ARHGEF5: variants seen among roughly 807,000 people sequenced by gnomAD.
ARHGEF5 encodes Rho guanine nucleotide exchange factor 5, also known as Rho guanine nucleotide exchange factor (GEF) 5.
ARHGEF5 carries 11 observed loss-of-function variants against 104.0 expected under a neutral mutation model. The observed-to-expected ratio is 0.11, with a 90% CI of 0.07 to 0.18. The LOEUF (loss-of-function observed/expected upper bound fraction) is 0.18, where lower values mean the gene tolerates loss of function less well. Ranked by LOEUF, ARHGEF5 falls within the 10% of genes least tolerant of loss-of-function variation. The pLI, the probability that ARHGEF5 is intolerant of heterozygous loss-of-function variation, is 1.00. For synonymous variants in ARHGEF5, 60 were observed against 512.2 expected (o/e 0.12, Z 11.92); for missense variants, 165 against 1,335.4 (o/e 0.12, Z 13.66).
chr7:144,378,764 T>TG lies in ARHGEF5; in HGVS notation c.4534_4535insG (p.Ser1512CysfsTer16). 6.2e-7 allele frequency: 1 copy of TG among 1,612,794 alleles called. No individual in the cohort carries two copies. Among genetic ancestry groups the TG allele is most frequent in the Non-Finnish European group, 8.5e-7 (1 of 1,179,452 alleles). On this transcript the variant is annotated frameshift_variant, in exon 14 of 15. Transcript: ENST00000056217. LOFTEE classifies it high-confidence loss of function. The stretch of plus-strand genomic sequence containing the variant: ...CTTCACACTCTTCTCTTCCAAAGAC[T>TG]CCCCCCAGGTACAGTGCCTTCGAGC...
rs1246507755 is a variant in ARHGEF5 at position 144,380,254 on chromosome 7, AC to A, written c.*199del. The A allele has an allele frequency of 1.3e-5, 8 of 613,928 alleles. No homozygotes were observed. In the East Asian group the frequency reaches 2.1e-4, roughly 16 times the overall value. The allele number at this position is 613,928 out of a possible 1,614,324, so 38.0% of individuals were successfully genotyped here. A position where few individuals can be genotyped will look rare whatever the true frequency, so the allele number is the denominator to read the frequency against. ...TGCTTGGTGGGGGGGATTTCGAGGGACTTTGCACTGGACTCTGGGAACCTTT... is the reference window on the plus strand; with the variant it reads ...TGCTTGGTGGGGGGGATTTCGAGGGATTTGCACTGGACTCTGGGAACCTTT... On this transcript the variant is annotated 3_prime_UTR_variant, in exon 15 of 15. Coordinates refer to ENST00000056217, the MANE Select transcript of ARHGEF5 (RefSeq NM_005435.4).
chr7:144,378,669 T>G (rs2053778584), intron 13 of ARHGEF5, 93 bp from the exon 14 acceptor site: 1 of 1,048,082 alleles, frequency 9.5e-7, no homozygotes. Context: ...TGTCTCTATC[T>G]CAAGTCCTCC....
chr7:144,380,192 AC>A lies in ARHGEF5; in HGVS notation c.*139del. On this transcript the variant is annotated 3_prime_UTR_variant, in exon 15 of 15. Coordinates refer to ENST00000056217, the MANE Select transcript of ARHGEF5 (RefSeq NM_005435.4). ...AAAGCTCAAGGACAAAATCCAGCTAACCCAGTCCCTCGGCCCAGGCCTCCTT... is the reference window on the plus strand; with the variant it reads ...AAAGCTCAAGGACAAAATCCAGCTAACCAGTCCCTCGGCCCAGGCCTCCTT... 1 of 1,188,812 alleles carries A rather than the reference AC, an allele frequency of 8.4e-7. No homozygotes were observed. The highest frequency in any genetic ancestry group is 1.2e-6 in the Non-Finnish European group (1 of 853,868). 73.6% of individuals were successfully genotyped at this position (1,188,812 alleles called of 1,614,324 possible). A position where few individuals can be genotyped will look rare whatever the true frequency, so the allele number is the denominator to read the frequency against.
At chr7:144,357,727 G>A (rs1438049472) in intron 1 of ARHGEF5, among the ~76,000 whole-genome samples, 2 of 152,050 alleles carry the variant, frequency 1.3e-5, no homozygotes, top group Non-Finnish European at 1.5e-5. Context: ...TAAGGTGTTG[G>A]GGGGGGCTCT....
chr7:144,358,745 G>A lies in ARHGEF5; in HGVS notation c.-13+3244G>A, dbSNP rs560109754. Among the ~76,000 whole-genome samples the A allele has an allele frequency of 4.3e-4, 25 of 58,066 alleles. 1 individual carries two copies. Among genetic ancestry groups the A allele is most frequent in the African/African-American group, 1.2e-3 (19 of 15,476 alleles). The allele number at this position is 58,066 out of a possible 152,430, so 38.1% of individuals were successfully genotyped here. A position where few individuals can be genotyped will look rare whatever the true frequency, so the allele number is the denominator to read the frequency against. ...ATGTCAGGCTCTATTGCAAGAGTTT[G>A]TAAGGATGGCTCAGTGTGTGTGTGT... On this transcript the variant is annotated intron_variant, in intron 1 of 14. Coordinates refer to ENST00000056217, the MANE Select transcript of ARHGEF5 (RefSeq NM_005435.4).
rs759680608 is a variant in ARHGEF5, at chr7:144,380,060, T to G, written c.*4T>G. On this transcript the variant is annotated 3_prime_UTR_variant, in exon 15 of 15. Coordinates refer to ENST00000056217, the MANE Select transcript of ARHGEF5 (RefSeq NM_005435.4). ...GCTGGTGGAACAGCAAGCCTAAGTC[T>G]TCTCTGAGAGGAGTTTCGTGAGCTG... is the stretch of plus-strand genomic sequence containing the variant. The G allele has an allele frequency of 1.9e-6, 3 of 1,614,130 alleles. No homozygotes were observed. Among genetic ancestry groups the G allele is most frequent in the Non-Finnish European group, 2.5e-6 (3 of 1,179,984 alleles).
At chr7:144,360,968 G>A (rs1218348947) in intron 1 of ARHGEF5, among the ~76,000 whole-genome samples, 2 of 146,106 alleles carry the variant, frequency 1.4e-5, no homozygotes, top group East Asian at 2.0e-4. Flanking sequence ...GGTGGCTTAC[G>A]CCTATAATCA....
rs1343598426 is a variant in ARHGEF5, at chr7:144,359,830, C to G, written c.-12-2828C>G. Among the ~76,000 whole-genome samples the G allele has an allele frequency of 2.8e-5, 4 of 142,230 alleles. No individual in the cohort carries two copies. The East Asian group carries it at 8.2e-4, about 29-fold the overall frequency. 93.3% of individuals were successfully genotyped at this position (142,230 alleles called of 152,430 possible). Reference sequence around the variant, plus strand: ...TTCAGAGGCTGCTGAAGAATCTAAGCTAGAACTGGTGCTTTTGAAGCTCAC... The same window carrying G: ...TTCAGAGGCTGCTGAAGAATCTAAGGTAGAACTGGTGCTTTTGAAGCTCAC... On this transcript the variant is annotated intron_variant, in intron 1 of 14. Transcript: ENST00000056217.
intron 13 of ARHGEF5, among the ~76,000 whole-genome samples, chr7:144,378,206 C>T (rs2128857665): frequency 6.6e-6 from 1 of 152,248 alleles, no homozygotes; most frequent in South Asian, 2.1e-4. Context: ...GATCAATAAC[C>T]ATCTTGATCA....
chr7:144,378,675 C>A, intron 13 of ARHGEF5, 87 bp from the exon 14 acceptor site: 1 of 1,103,436 alleles, frequency 9.1e-7, no homozygotes, highest in Non-Finnish European at 1.3e-6. Context: ...TATCTCAAGT[C>A]CTCCCACGCC....
intron 1 of ARHGEF5, among the ~76,000 whole-genome samples, chr7:144,357,826 G>A (rs1364098886): frequency 7.3e-6 from 1 of 136,952 alleles, no homozygotes; most frequent in Non-Finnish European, 1.6e-5. Flanking sequence ...GTGAGGTTAT[G>A]TGGATGCAGA....
rs760540425 is a variant in ARHGEF5 at position 144,363,287 on chromosome 7, G to A, written c.618G>A (p.Gln206=). The change falls in exon 2 of 15, where the codon CAG becomes CAA. Residue 206 remains glutamine, a synonymous_variant. Coordinates refer to ENST00000056217, the MANE Select transcript of ARHGEF5 (RefSeq NM_005435.4). ...GCTCTGAAAGTGGGACTATCAGGCA[G>A]GGGGAAGAGCTGCCACCTGAGGAGC... is the stretch of plus-strand genomic sequence containing the variant. ...NEGSESGTIR[Q]GEELPPEELQ... 6.3e-7 allele frequency: 1 copy of A among 1,592,952 alleles called. No individual in the cohort carries two copies. Among genetic ancestry groups the A allele is most frequent in the African/African-American group, 1.4e-5 (1 of 73,720 alleles).
chr7:144,377,849 A>G (rs576421322), intron 13 of ARHGEF5, among the ~76,000 whole-genome samples: 2 of 152,218 alleles, frequency 1.3e-5, no homozygotes, highest in South Asian at 4.1e-4. Context: ...TAGTAACTGA[A>G]CGCTGTTAAC....
chr7:144,380,121 A>G lies in ARHGEF5; in HGVS notation c.*65A>G. 1 of 1,598,702 alleles carries G rather than the reference A, an allele frequency of 6.3e-7. No homozygotes were observed. Among genetic ancestry groups the G allele is most frequent in the Non-Finnish European group, 8.6e-7 (1 of 1,169,124 alleles). On this transcript the variant is annotated 3_prime_UTR_variant, in exon 15 of 15. Transcript: ENST00000056217. ...TGCTCATGGCAAGGGCTGGCCCCAG[A>G]ACCCTGCAAGAGAGGCCTTCTGTGG... is the stretch of plus-strand genomic sequence containing the variant.
chr7:144,360,001 G>A (rs1258741469), intron 1 of ARHGEF5, among the ~76,000 whole-genome samples: 2 of 132,486 alleles, frequency 1.5e-5, no homozygotes, highest in Non-Finnish European at 3.3e-5. Context: ...CAGTCTTAAG[G>A]GATATTTAGC....
At chr7:144,371,443 G>GA in intron 6 of ARHGEF5, 122 bp downstream of exon 6, 3 of 775,828 alleles carry the variant, frequency 3.9e-6, no homozygotes, top group Non-Finnish European at 5.9e-6. Flanking sequence ...GGAAGAAATT[G>GA]GGCCTCAGTT....
At chr7:144,362,590 TTATGGTC>T (rs1417400794) in intron 1 of ARHGEF5, 61 bp from the exon 2 acceptor site, 1 of 936,850 alleles carries the variant, frequency 1.1e-6, no homozygotes, top group African/African-American at 2.0e-5. Context: ...CTCTTCTTTT[TTATGGTC>T]TCTTCCTCTG....
chr7:144,362,670 A>ATGGAGACTGAGGAGGCCCAGCG lies in ARHGEF5; in HGVS notation c.6_7insACTGAGGAGGCCCAGCGTGGAG (p.Ala3_?2). On this transcript the variant is annotated frameshift_variant and start_lost, in exon 2 of 15. Coordinates refer to ENST00000056217, the MANE Select transcript of ARHGEF5 (RefSeq NM_005435.4). LOFTEE classifies it high-confidence loss of function. Reference sequence around the variant, plus strand: ...GATTCCTCCTTAGGATTCAGCCCTGATGGAGGCTGAGGAGGCCCAGCGTGG... The same window carrying ATGGAGACTGAGGAGGCCCAGCG: ...GATTCCTCCTTAGGATTCAGCCCTGATGGAGACTGAGGAGGCCCAGCGTGGAGGCTGAGGAGGCCCAGCGTGG... 7.4e-7 allele frequency: 1 copy of ATGGAGACTGAGGAGGCCCAGCG among 1,354,738 alleles called. No individual in the cohort carries two copies. The highest frequency in any genetic ancestry group is 1.2e-5 in the South Asian group (1 of 82,258). The allele number at this position is 1,354,738 out of a possible 1,614,324, so 83.9% of individuals were successfully genotyped here. A position where few individuals can be genotyped will look rare whatever the true frequency, so the allele number is the denominator to read the frequency against.
At position 144,377,201 on chromosome 7, in the gene ARHGEF5, G is replaced by T; in HGVS notation, c.4531+11G>T. ...TTCTGGAGTGTTACAGTGAGTGAGG[G>T]TCTAAGAGGGAGAGAAAAGAAAGCA... On this transcript the variant is annotated intron_variant, in intron 13 of 14. Transcript: ENST00000056217. The T allele has an allele frequency of 4.2e-6, 6 of 1,428,774 alleles. No homozygotes were observed. Among genetic ancestry groups the T allele is most frequent in the Non-Finnish European group, 3.7e-6 (4 of 1,069,996 alleles). The allele number at this position is 1,428,774 out of a possible 1,614,324, so 88.5% of individuals were successfully genotyped here.
Sources: gnomAD v4.1 joint callset for allele counts (sites outside exome capture counted in the v4.1 genomes callset) on GRCh38, gnomAD v4.1.1 for gene constraint, MANE v1.5 for transcripts, NCBI Gene and HGNC (gene_info 2026-07-23, HGNC 2026-07-21) for gene names.